Variants in CACNA1E observed in about 807,000 individuals in gnomAD.
The protein encoded by CACNA1E is calcium voltage-gated channel subunit alpha1 E, also known as voltage-dependent R-type calcium channel subunit alpha-1E.
A neutral mutation model predicts 259.2 loss-of-function variants in CACNA1E; 40 were observed. The observed-to-expected ratio is 0.15, with a 90% CI of 0.12 to 0.20. CACNA1E has a LOEUF of 0.20. Among genes scored for constraint, CACNA1E ranks in the 10% least tolerant of loss-of-function variants. The pLI is 1.00. For missense variants in CACNA1E, 1,874 were observed against 3,040.1 expected (o/e 0.62, Z 9.02); for synonymous variants, 1,104 against 1,138.5 (o/e 0.97, Z 0.61).
At chr1:181,442,034 T>C (rs640757) in intron 2 of CACNA1E, among the ~76,000 whole-genome samples, 9,373 of 152,206 alleles carry the variant, frequency 0.062, 467 homozygotes, top group African/African-American at 0.13. Flanking sequence ...CAGTATTTTA[T>C]AGCCCACACG....
intron 1 of CACNA1E, among the ~76,000 whole-genome samples, chr1:181,332,654 T>C (rs531810304): frequency 7.9e-5 from 12 of 152,342 alleles, no homozygotes; most frequent in Middle Eastern, 6.8e-3. Context: ...GGAGCACATA[T>C]TGACTTTTGA....
chr1:181,414,198 G>A (rs1341854969), intron 2 of CACNA1E, among the ~76,000 whole-genome samples: 3 of 152,156 alleles, frequency 2.0e-5, no homozygotes, highest in African/African-American at 4.8e-5. Context: ...TAATTCTCTC[G>A]GTTGCCCCAG....
At chr1:181,562,083 T>C (rs1178732882) in intron 3 of CACNA1E, among the ~76,000 whole-genome samples, 3 of 152,176 alleles carry the variant, frequency 2.0e-5, no homozygotes, top group African/African-American at 7.2e-5. Context: ...ATTTTTTAAT[T>C]AGGTTGCTTG....
intron 17 of CACNA1E, 81 bp from the exon 18 acceptor site, chr1:181,725,984 C>G: frequency 1.1e-6 from 1 of 881,310 alleles, no homozygotes; most frequent in Non-Finnish European, 1.8e-6. Context: ...GTATTCAGAA[C>G]TCCTCCTTAG....
chr1:181,770,984 A>T (rs1659456461), intron 35 of CACNA1E, among the ~76,000 whole-genome samples: 1 of 152,176 alleles, frequency 6.6e-6, no homozygotes, highest in Admixed American at 6.5e-5. Flanking sequence ...GGTACCATGG[A>T]ACTAAAAGAC....
intron 1 of CACNA1E, among the ~76,000 whole-genome samples, chr1:181,346,145 C>T (rs1652578945): frequency 6.6e-6 from 1 of 152,178 alleles, no homozygotes; most frequent in Non-Finnish European, 1.5e-5. Flanking sequence ...CCGAGGGTTC[C>T]CTCTGGAGGG....
intron 1 of CACNA1E, among the ~76,000 whole-genome samples, chr1:181,373,226 G>T (rs936288467): frequency 1.8e-4 from 27 of 152,092 alleles, no homozygotes; most frequent in African/African-American, 6.3e-4. Context: ...CTCCTTCATT[G>T]TATTTGTGGT....
chr1:181,328,155 G>A (rs1378002773), intron 1 of CACNA1E, among the ~76,000 whole-genome samples: 1 of 152,172 alleles, frequency 6.6e-6, no homozygotes, highest in Non-Finnish European at 1.5e-5. Flanking sequence ...CTGGAGGCTG[G>A]GAAGTCTGAT....
chr1:181,754,903 C>T (rs1182852426), intron 27 of CACNA1E, among the ~76,000 whole-genome samples: 2 of 152,226 alleles, frequency 1.3e-5, no homozygotes, highest in Non-Finnish European at 2.9e-5. Context: ...TCCAGCTATA[C>T]ACTTCTATGC....
At chr1:181,750,609 A>G in intron 26 of CACNA1E, 122 bp downstream of exon 26, 1 of 858,686 alleles carries the variant, frequency 1.2e-6, no homozygotes, top group Non-Finnish European at 1.9e-6. Context: ...TTTTATTTAT[A>G]TCCAAGGGAT....
rs1658307269 is a variant in CACNA1E at position 181,758,682 on chromosome 1, C to T, written c.4495-76C>T. 4.8e-6 allele frequency: 4 copies of T among 826,356 alleles called. No homozygotes were observed. Among genetic ancestry groups the T allele is most frequent in the Non-Finnish European group, 6.1e-6 (3 of 494,098 alleles). 51.2% of individuals were successfully genotyped at this position (826,356 alleles called of 1,614,324 possible). A position where few individuals can be genotyped will look rare whatever the true frequency, so the allele number is the denominator to read the frequency against. On this transcript the variant is annotated intron_variant, in intron 31 of 47. Transcript: ENST00000367573. This position sits in a 1 kb window ranked among gnomAD's most constrained non-coding sequence, Gnocchi z 4.2. Reference sequence around the variant, plus strand: ...CCCACAGGGCAGGAATGAGAGATGGCCAACCTCAGTGACATGTATTCCCCC... The same window carrying T: ...CCCACAGGGCAGGAATGAGAGATGGTCAACCTCAGTGACATGTATTCCCCC...
At chr1:181,383,423 A>G (rs1380026947) in intron 1 of CACNA1E, among the ~76,000 whole-genome samples, 1 of 152,246 alleles carries the variant, frequency 6.6e-6, no homozygotes, top group African/African-American at 2.4e-5. Flanking sequence ...AGGTATGATG[A>G]TGAGGCAAGC....
rs752102506 is a variant in CACNA1E at position 181,720,191 on chromosome 1, G to A, written c.1752-15G>A. On this transcript the variant is annotated splice_polypyrimidine_tract_variant and intron_variant, in intron 13 of 47. Coordinates refer to ENST00000367573, the MANE Select transcript of CACNA1E (RefSeq NM_001205293.3). ...ATGCAGTGTTCACAGCTGTCACATT[G>A]TCTGGGTTTTGTAGGTATTGGGCTT... 3 of 1,613,918 alleles carry A rather than the reference G, an allele frequency of 1.9e-6. No individual in the cohort carries two copies. The Admixed American group carries it at 5.0e-5, about 27-fold the overall frequency.
intron 6 of CACNA1E, among the ~76,000 whole-genome samples, chr1:181,640,557 CAG>C (rs545745378): frequency 1.2e-3 from 184 of 152,262 alleles, no homozygotes; most frequent in Admixed American, 2.2e-3. Flanking sequence ...TTAATTAAAA[CAG>C]AGATGTTCAA....
intron 1 of CACNA1E, among the ~76,000 whole-genome samples, chr1:181,399,019 TCTC>T (rs974729692): frequency 4.6e-5 from 7 of 152,124 alleles, no homozygotes; most frequent in Admixed American, 1.3e-4. Context: ...TTAGGGAGAA[TCTC>T]CTCTGCCTCA....
intron 1 of CACNA1E, among the ~76,000 whole-genome samples, chr1:181,348,321 G>T (rs772873402): frequency 6.6e-6 from 1 of 152,052 alleles, no homozygotes; most frequent in African/African-American, 2.4e-5. Context: ...AAACCAGGTC[G>T]CATCTAAACT....
intron 6 of CACNA1E, among the ~76,000 whole-genome samples, chr1:181,596,975 G>A (rs1314556958): frequency 6.6e-6 from 1 of 152,028 alleles, no homozygotes; most frequent in African/African-American, 2.4e-5. Context: ...AGGAGAAGGG[G>A]CTGAGGGCAG....
chr1:181,418,612 A>C (rs1176349551), intron 2 of CACNA1E, among the ~76,000 whole-genome samples: 1 of 152,190 alleles, frequency 6.6e-6, no homozygotes, highest in Non-Finnish European at 1.5e-5. Flanking sequence ...CATGTCTAAC[A>C]TCAAAATATT....
chr1:181,658,677 A>G (rs1219965354), intron 7 of CACNA1E, among the ~76,000 whole-genome samples: 1 of 152,154 alleles, frequency 6.6e-6, no homozygotes, highest in Non-Finnish European at 1.5e-5. Flanking sequence ...CACAGATTAG[A>G]TGTCATGGAA....
Sources: gnomAD v4.1 joint callset for allele counts (sites outside exome capture counted in the v4.1 genomes callset) on GRCh38, gnomAD v4.1.1 for gene constraint, Gnocchi (gnomAD v3.1) non-coding constraint, MANE v1.5 for transcripts, NCBI Gene and HGNC (gene_info 2026-07-23, HGNC 2026-07-21) for gene names.